The following LMX1A variants were observed in gnomAD, a reference collection of about 807,000 sequenced individuals.
LMX1A encodes the protein LIM homeobox transcription factor 1-alpha.
Under a neutral mutation model 49.1 loss-of-function variants are expected in LMX1A, and 15 were observed. The observed-to-expected ratio is 0.31, with a 90% CI of 0.20 to 0.47. The LOEUF (loss-of-function observed/expected upper bound fraction) is 0.47, where lower values mean the gene tolerates loss of function less well. Ranked by LOEUF, LMX1A falls within the 20% of genes least tolerant of loss-of-function variation. The pLI is 1.00. For missense variants in LMX1A, 372 were observed against 475.8 expected, an observed-to-expected ratio of 0.78 and a Z score of 2.03; for synonymous variants, 167 against 185.7, an observed-to-expected ratio of 0.90 and a Z score of 0.82.
At chr1:165,310,878 T>G (rs1320749601) in intron 3 of LMX1A, among the ~76,000 whole-genome samples, 1 of 152,216 alleles carries the variant, frequency 6.6e-6, no homozygotes, top group Admixed American at 6.5e-5. Context: ...TGTATTTGAT[T>G]ATGATTCCCG....
intron 4 of LMX1A, among the ~76,000 whole-genome samples, chr1:165,238,669 T>C (rs1427222193): frequency 2.0e-5 from 3 of 152,198 alleles, no homozygotes; most frequent in Non-Finnish European, 2.9e-5. Context: ...GGTCCTTCAG[T>C]TGGGGTCTCT....
chr1:165,269,742 AG>A (rs1342774817), intron 3 of LMX1A, among the ~76,000 whole-genome samples: 8 of 152,210 alleles, frequency 5.3e-5, no homozygotes, highest in Non-Finnish European at 1.0e-4. Context: ...CGTCCTTTGC[AG>A]GGACACGGAT....
At chr1:165,265,565 C>G (rs1412221275) in intron 3 of LMX1A, among the ~76,000 whole-genome samples, 1 of 152,128 alleles carries the variant, frequency 6.6e-6, no homozygotes, top group Non-Finnish European at 1.5e-5. Context: ...CTCCCTGAGC[C>G]CTGCACGTCT....
chr1:165,208,143 G>T lies in LMX1A; in HGVS notation c.748-11C>A, dbSNP rs368331187. The T allele has an allele frequency of 3.3e-5, 53 of 1,613,560 alleles. No homozygotes were observed. Among genetic ancestry groups the T allele is most frequent in the Non-Finnish European group, 4.3e-5 (51 of 1,179,842 alleles). ...GGCCAGCTTCTTCATCTGATAAGGA[G>T]AGGACCATAGGATTAGAAGTCAGGT... On this transcript the variant is annotated splice_polypyrimidine_tract_variant and intron_variant, in intron 6 of 8. Transcript: ENST00000342310.
chr1:165,294,097 ACAG>A (rs1424356438), intron 3 of LMX1A, among the ~76,000 whole-genome samples: 1 of 152,238 alleles, frequency 6.6e-6, no homozygotes, highest in Non-Finnish European at 1.5e-5. Context: ...GCAAGGTAAC[ACAG>A]CTGATCAGTA....
At chr1:165,287,554 T>G (rs2101711714) in intron 3 of LMX1A, among the ~76,000 whole-genome samples, 1 of 152,172 alleles carries the variant, frequency 6.6e-6, no homozygotes, top group East Asian at 1.9e-4. Context: ...CTGGGAAGGG[T>G]GAAGGTGGGT....
rs752187425 is a variant in LMX1A at position 165,353,257 on chromosome 1, C to T, written c.82G>A (p.Ala28Thr). Residue 28 changes from alanine to threonine, a missense_variant, in exon 3 of 9, where the codon GCG becomes ACG. Transcript: ENST00000342310. ...SASFSSLLGRAVSPKSVCEGC... is the reference protein window; with the variant it reads ...SASFSSLLGRTVSPKSVCEGC... ...TCGCAGACAGACTTGGGGCTCACCG[C>T]TCTGCCTGTAGCCACAACAGACGTT... 6.2e-7 allele frequency: 1 copy of T among 1,610,158 alleles called. No individual in the cohort carries two copies. Among genetic ancestry groups the T allele is most frequent in the Non-Finnish European group, 8.5e-7 (1 of 1,179,784 alleles).
At chr1:165,294,678 T>C (rs1654565886) in intron 3 of LMX1A, among the ~76,000 whole-genome samples, 1 of 152,224 alleles carries the variant, frequency 6.6e-6, no homozygotes, top group Admixed American at 6.5e-5. Flanking sequence ...AAAAATTACA[T>C]GCGGGCTGGG....
intron 3 of LMX1A, among the ~76,000 whole-genome samples, chr1:165,271,684 T>C (rs1000044796): frequency 6.6e-6 from 1 of 151,834 alleles, no homozygotes; most frequent in African/African-American, 2.4e-5. Flanking sequence ...CTGATCCCCA[T>C]CATAAAAGGA....
In LMX1A at chr1:165,282,162, T is replaced by C. The variant is rs149729957; in HGVS notation, c.264-32522A>G. 5.3e-3 allele frequency among the ~76,000 whole-genome samples: 812 copies of C among 152,260 alleles called. 6 individuals are homozygous for C. In the Middle Eastern group the frequency reaches 0.054, roughly 10 times the overall value. On this transcript the variant is annotated intron_variant, in intron 3 of 8. Coordinates refer to ENST00000342310, the MANE Select transcript of LMX1A (RefSeq NM_177398.4). ...CCAGGTCATCCATTCAGCCTCATGG[T>C]TTTCAATACCACCTATAGCCTGATA...
intron 4 of LMX1A, among the ~76,000 whole-genome samples, chr1:165,246,452 C>T (rs1652851658): frequency 6.6e-6 from 1 of 152,190 alleles, no homozygotes; most frequent in South Asian, 2.1e-4. Flanking sequence ...TCTTCTAGAA[C>T]TACCCTCCCC....
chr1:165,254,306 T>C (rs1391938830), intron 3 of LMX1A, among the ~76,000 whole-genome samples: 1 of 152,114 alleles, frequency 6.6e-6, no homozygotes, highest in African/African-American at 2.4e-5. Flanking sequence ...AAGCCCACCA[T>C]GTTGACTCAG....
At chr1:165,206,582 A>T (rs538984447) in intron 7 of LMX1A, among the ~76,000 whole-genome samples, 1 of 152,154 alleles carries the variant, frequency 6.6e-6, no homozygotes, top group Non-Finnish European at 1.5e-5. Context: ...CTTTAGAATT[A>T]TTTAAACTAA....
At chr1:165,344,470 C>G (rs1161928511) in intron 3 of LMX1A, among the ~76,000 whole-genome samples, 2 of 152,184 alleles carry the variant, frequency 1.3e-5, no homozygotes, top group Non-Finnish European at 2.9e-5. Flanking sequence ...CCAGAAAGCT[C>G]TCCCCAAGAG....
intron 3 of LMX1A, among the ~76,000 whole-genome samples, chr1:165,311,165 C>T (rs1655065938): frequency 6.6e-6 from 1 of 152,144 alleles, no homozygotes; most frequent in Non-Finnish European, 1.5e-5. Context: ...CCTAGAAATG[C>T]CTGACTGGAA....
chr1:165,309,637 G>A (rs1426239944), intron 3 of LMX1A, among the ~76,000 whole-genome samples: 4 of 152,182 alleles, frequency 2.6e-5, no homozygotes, highest in African/African-American at 9.7e-5. Flanking sequence ...TCCCCACATG[G>A]CTCTCGGCAG....
intron 3 of LMX1A, among the ~76,000 whole-genome samples, chr1:165,343,501 C>A (rs1290318787): frequency 6.6e-6 from 1 of 152,046 alleles, no homozygotes; most frequent in African/African-American, 2.4e-5. Context: ...TTCTTTAATT[C>A]TCTCAATAAC....
At chr1:165,293,502 G>A (rs764452921) in intron 3 of LMX1A, among the ~76,000 whole-genome samples, 6 of 152,146 alleles carry the variant, frequency 3.9e-5, no homozygotes, top group East Asian at 1.9e-4. Context: ...TGTGATTCTC[G>A]GCATTCGAAC....
chr1:165,320,088 TAAAC>T (rs1291559180), intron 3 of LMX1A, among the ~76,000 whole-genome samples: 1 of 152,192 alleles, frequency 6.6e-6, no homozygotes, highest in Non-Finnish European at 1.5e-5. Context: ...GCTTCTTTTA[TAAAC>T]ACTAGAAACT....
Sources: gnomAD v4.1 joint callset for allele counts (sites outside exome capture counted in the v4.1 genomes callset) on GRCh38, gnomAD v4.1.1 for gene constraint, MANE v1.5 for transcripts, NCBI Gene and HGNC (gene_info 2026-07-23, HGNC 2026-07-21) for gene names.